The following ATL1 variants were observed in gnomAD, a reference collection of about 807,000 sequenced individuals.
ATL1 encodes atlastin-1.
A neutral mutation model predicts 75.5 loss-of-function variants in ATL1; 31 were observed. The observed-to-expected ratio is 0.41, with a 90% CI of 0.31 to 0.55. ATL1 has a LOEUF of 0.55. Ranked by LOEUF, ATL1 falls within the 20% of genes least tolerant of loss-of-function variation. ATL1 has a pLI of 0.27. For synonymous variants in ATL1, 226 were observed against 233.3 expected, an observed-to-expected ratio of 0.97 and a Z score of 0.28; for missense variants, 405 against 662.6, an observed-to-expected ratio of 0.61 and a Z score of 4.27.
chr14:50,590,831 T>C, intron 2 of ATL1, 110 bp from the exon 3 acceptor site: 1 of 1,129,862 alleles, frequency 8.9e-7, no homozygotes, highest in South Asian at 1.3e-5. Context: ...GATGTGCATA[T>C]GTTGTTTCCT....
intron 8 of ATL1, among the ~76,000 whole-genome samples, chr14:50,618,961 G>T (rs964036743): frequency 2.6e-5 from 4 of 151,820 alleles, no homozygotes; most frequent in African/African-American, 2.4e-5. Flanking sequence ...CACAATCTTG[G>T]CTCACTGCAA....
At chr14:50,619,223 T>A (rs952485877) in intron 8 of ATL1, among the ~76,000 whole-genome samples, 1 of 152,142 alleles carries the variant, frequency 6.6e-6, no homozygotes, top group Non-Finnish European at 1.5e-5. Context: ...CTGGCTAATT[T>A]TTTTTATTTT....
At chr14:50,578,760 A>C (rs1283629629) in intron 1 of ATL1, among the ~76,000 whole-genome samples, 5 of 152,206 alleles carry the variant, frequency 3.3e-5, no homozygotes, top group African/African-American at 1.2e-4. Context: ...TCATTGATGG[A>C]CATTTACATT....
At chr14:50,568,223 A>G (rs950952429) in intron 1 of ATL1, among the ~76,000 whole-genome samples, 28 of 152,160 alleles carry the variant, frequency 1.8e-4, no homozygotes, top group African/African-American at 5.1e-4. Flanking sequence ...TGCCGTATTA[A>G]AACTTTTATT....
At chr14:50,568,525 T>G (rs1003355919) in intron 1 of ATL1, among the ~76,000 whole-genome samples, 11 of 152,226 alleles carry the variant, frequency 7.2e-5, no homozygotes, top group African/African-American at 2.7e-4. Flanking sequence ...GTGGAATATC[T>G]TTTTCCACCC....
In ATL1 at chr14:50,539,549, G is replaced by A. The variant is rs368292834; in HGVS notation, c.-140+6182G>A. On this transcript the variant is annotated intron_variant, in intron 1 of 13. Transcript: ENST00000441560. ...TTAATTAAACGTGAGACCCAGTTCT[G>A]TTATGCTAAAGTAAGGGCACTGGTG... Among the ~76,000 whole-genome samples, 5 of 152,324 alleles carry A rather than the reference G, an allele frequency of 3.3e-5. No individual in the cohort carries two copies. In the East Asian group the frequency reaches 9.6e-4, roughly 29 times the overall value.
intron 4 of ATL1, among the ~76,000 whole-genome samples, chr14:50,592,213 T>C (rs980598399): frequency 2.0e-5 from 3 of 152,174 alleles, no homozygotes; most frequent in African/African-American, 4.8e-5. Flanking sequence ...CTGAAAATCC[T>C]TGTAGAGTTT....
intron 5 of ATL1, 116 bp from the exon 6 acceptor site, chr14:50,595,460 C>T (rs2039205933): frequency 8.8e-6 from 8 of 904,498 alleles, no homozygotes; most frequent in Non-Finnish European, 1.4e-5. Flanking sequence ...TTCTGTTATA[C>T]CTAGAGGGAA....
chr14:50,558,181 A>G (rs1011070233), upstream of ATL1, among the ~76,000 whole-genome samples: 6 of 152,198 alleles, frequency 3.9e-5, no homozygotes, highest in Admixed American at 6.5e-5. Context: ...CCTGGGCAAC[A>G]TGGAGAAACC....
upstream of ATL1, among the ~76,000 whole-genome samples, chr14:50,556,152 A>C (rs2038762810): frequency 6.6e-6 from 1 of 152,190 alleles, no homozygotes; most frequent in Non-Finnish European, 1.5e-5. Flanking sequence ...ACTTTTTAAA[A>C]ACATTTGTAT....
intron 1 of ATL1, among the ~76,000 whole-genome samples, chr14:50,537,127 C>T (rs1446871326): frequency 6.6e-6 from 1 of 152,176 alleles, no homozygotes; most frequent in African/African-American, 2.4e-5. Flanking sequence ...TGGCTAGGCC[C>T]AGGGTCCCTG....
chr14:50,624,089 C>T (rs1421995850), intron 11 of ATL1, among the ~76,000 whole-genome samples: 1 of 151,962 alleles, frequency 6.6e-6, no homozygotes, highest in Non-Finnish European at 1.5e-5. Flanking sequence ...AAATTGCGTT[C>T]AAATTGAAGT....
intron 10 of ATL1, 71 bp downstream of exon 10, chr14:50,621,970 C>A: frequency 9.9e-7 from 1 of 1,014,192 alleles, no homozygotes; most frequent in Non-Finnish European, 1.6e-6. Context: ...TCAGAAATAA[C>A]CAAATAACAA....
intron 6 of ATL1, among the ~76,000 whole-genome samples, chr14:50,605,392 A>T (rs927410468): frequency 1.3e-5 from 2 of 151,972 alleles, no homozygotes; most frequent in African/African-American, 4.8e-5. Flanking sequence ...CCCTATGAAA[A>T]GTCAGTGATA....
At chr14:50,589,472 C>A (rs993446407) in intron 2 of ATL1, among the ~76,000 whole-genome samples, 1 of 152,030 alleles carries the variant, frequency 6.6e-6, no homozygotes, top group African/African-American at 2.4e-5. Flanking sequence ...CGACGTATTT[C>A]TAAGTGTAGT....
chr14:50,552,070 C>G (rs2038709375), intron 1 of ATL1, among the ~76,000 whole-genome samples: 1 of 152,184 alleles, frequency 6.6e-6, no homozygotes. Flanking sequence ...GGAAGTCAAA[C>G]TGTTGCTGTT....
At chr14:50,547,879 G>C (rs1164523559) in intron 1 of ATL1, among the ~76,000 whole-genome samples, 1 of 152,152 alleles carries the variant, frequency 6.6e-6, no homozygotes, top group Non-Finnish European at 1.5e-5. Flanking sequence ...GGACTTTCCA[G>C]GTACTACCAA....
At chr14:50,627,885 G>T (rs1234687181) in intron 11 of ATL1, 146 bp from the exon 12 acceptor site, 1 of 737,560 alleles carries the variant, frequency 1.4e-6, no homozygotes, top group East Asian at 2.7e-5. Flanking sequence ...GATAGGGGGT[G>T]GAAAGATGTG....
At chr14:50,581,034 CT>C (rs955390520) in intron 1 of ATL1, among the ~76,000 whole-genome samples, 7 of 151,478 alleles carry the variant, frequency 4.6e-5, no homozygotes, top group African/African-American at 1.7e-4. Context: ...TCTATAGTAT[CT>C]TTTTTTATAT....
Sources: gnomAD v4.1 joint callset for allele counts (sites outside exome capture counted in the v4.1 genomes callset) on GRCh38, gnomAD v4.1.1 for gene constraint, MANE v1.5 for transcripts, NCBI Gene and HGNC (gene_info 2026-07-23, HGNC 2026-07-21) for gene names.